ITGA10: variants seen among roughly 807,000 people sequenced by gnomAD.
ITGA10 encodes the protein integrin subunit alpha 10.
Under a neutral mutation model 145.2 loss-of-function variants are expected in ITGA10, and 105 were observed. The ratio of observed to expected loss-of-function variants is 0.72; its 90% CI spans 0.62 to 0.85. The LOEUF (loss-of-function observed/expected upper bound fraction) is 0.85. Among genes scored for constraint, ITGA10 ranks in the 40% least tolerant of loss-of-function variants. The probability of loss-of-function intolerance (pLI) is 0.00; values close to 1 mark genes in which losing one functional copy is unlikely to be tolerated. For synonymous variants in ITGA10, 506 were observed against 557.8 expected, an observed-to-expected ratio of 0.91 and a Z score of 1.31; for missense variants, 1,317 against 1,444.5, an observed-to-expected ratio of 0.91 and a Z score of 1.43.
At chr1:145,900,736 C>T (rs1446749092) in intron 14 of ITGA10, 54 bp downstream of exon 14, 12 of 1,548,794 alleles carry the variant, frequency 7.7e-6, no homozygotes, top group Non-Finnish European at 8.9e-6. Flanking sequence ...CAAAGAGCAT[C>T]CCCCTATTCC....
In ITGA10 at chr1:145,904,139, G is replaced by C. The variant is rs146565671; in HGVS notation, c.671C>G (p.Thr224Arg). The C allele has an allele frequency of 6.2e-7, 1 of 1,613,972 alleles. No individual in the cohort carries two copies. The highest frequency in any genetic ancestry group is 8.5e-7 in the Non-Finnish European group (1 of 1,179,986). Residue 224 changes from threonine to arginine, a missense_variant, in exon 7 of 30, where the codon ACG becomes AGG. Physicochemically the swap from Thr to Arg is moderately conservative, Grantham distance 71. Transcript: ENST00000369304. ...TGCTGCTCTCACCACTTCTTCCTTC[G>C]TTCGGAAATCTCCCAGGGACCACTC... ...VHEWSLGDFR[T>R]KEEVVRAAKN...
chr1:145,898,068 G>T, intron 18 of ITGA10, 42 bp downstream of exon 18: 1 of 1,432,494 alleles, frequency 7.0e-7, no homozygotes, highest in Non-Finnish European at 9.9e-7. Context: ...TCTTGAAGGA[G>T]GGCAGTGTTG....
rs1553743756 is a variant in ITGA10 at position 145,893,190 on chromosome 1, G to A, written c.3409C>T (p.Leu1137Phe). The A allele has an allele frequency of 1.9e-6, 3 of 1,613,942 alleles. No homozygotes were observed. Among genetic ancestry groups the A allele is most frequent in the Non-Finnish European group, 2.5e-6 (3 of 1,179,828 alleles). Residue 1137 changes from leucine (L) to phenylalanine (F), a missense_variant, in exon 29 of 30, where the codon CTT (leucine) becomes TTT (phenylalanine). Leu to Phe is a conservative substitution (Grantham distance 22, BLOSUM62 0). Coordinates refer to ENST00000369304, the MANE Select transcript of ITGA10 (RefSeq NM_003637.5). ...IGSVLGGLLL[L>F]ALLVFCLWKL... ...CACAGGCAGAAGACAAGGAGAGCAAGCAGGAGCAACCCTCCCAGGACACTG... is the reference window on the plus strand; with the variant it reads ...CACAGGCAGAAGACAAGGAGAGCAAACAGGAGCAACCCTCCCAGGACACTG...
intron 27 of ITGA10, 93 bp downstream of exon 27, chr1:145,895,187 G>T: frequency 1.2e-6 from 1 of 842,134 alleles, no homozygotes; most frequent in Non-Finnish European, 1.9e-6. Context: ...AGGCAAAAGT[G>T]AAACTTGAAC....
chr1:145,904,142 C>A lies in ITGA10; in HGVS notation c.668G>T (p.Arg223Leu). 1 of 1,614,108 alleles carries A rather than the reference C, an allele frequency of 6.2e-7. No homozygotes were observed. The highest frequency in any genetic ancestry group is 8.5e-7 in the Non-Finnish European group (1 of 1,180,018). ...PVHEWSLGDF[R>L]TKEEVVRAAK... is the part of the protein sequence containing the mutation. ...TGCTCTCACCACTTCTTCCTTCGTT[C>A]GGAAATCTCCCAGGGACCACTCATG... The change falls in exon 7 of 30, where the codon CGA (arginine) becomes CTA (leucine). Residue 223 changes from arginine to leucine, a missense_variant. Coordinates refer to ENST00000369304, the MANE Select transcript of ITGA10 (RefSeq NM_003637.5).
chr1:145,896,328 C>T lies in ITGA10; in HGVS notation c.2859G>A (p.Glu953=), dbSNP rs1553745063. The T allele has an allele frequency of 2.5e-6, 4 of 1,614,040 alleles. No homozygotes were observed. Among genetic ancestry groups the T allele is most frequent in the Non-Finnish European group, 3.4e-6 (4 of 1,179,924 alleles). Residue 953 remains glutamate, a synonymous_variant, in exon 24 of 30, where the codon GAG becomes GAA. Transcript: ENST00000369304. Reference sequence around the variant, plus strand: ...CTGGGAGGGTCCCATATGGGTGAACCTCATAGCGGTGCAGGGTAGACTCAC... The same window carrying T: ...CTGGGAGGGTCCCATATGGGTGAACTTCATAGCGGTGCAGGGTAGACTCAC... ...FSSESTLHRY[E]VHPYGTLPVG...
chr1:145,907,604 T>G, intron 1 of ITGA10, 139 bp from the exon 2 acceptor site: 1 of 1,469,856 alleles, frequency 6.8e-7, no homozygotes. Flanking sequence ...CCTCTCTCAG[T>G]GTCATGTACT....
chr1:145,902,484 C>T lies in ITGA10; in HGVS notation c.1045G>A (p.Ala349Thr). The change falls in exon 9 of 30, where the codon GCA becomes ACA. Residue 349 changes from alanine to threonine, a missense_variant. By Grantham distance (58) the Ala-to-Thr change is moderately conservative. Coordinates refer to ENST00000369304, the MANE Select transcript of ITGA10 (RefSeq NM_003637.5). ...DEAALTDIVD[A>T]LGDRIFGLEG... ...AGGCCAAAAATCCGATCTCCTAGTG[C>T]ATCCACAATGTCAGTCAGAGCAGCC... 1 of 1,612,672 alleles carries T rather than the reference C, an allele frequency of 6.2e-7. No homozygotes were observed. Among genetic ancestry groups the T allele is most frequent in the South Asian group, 1.1e-5 (1 of 90,796 alleles).
rs1353086084 is a variant in ITGA10 at position 145,892,610 on chromosome 1, C to G, written c.*188G>C. On this transcript the variant is annotated 3_prime_UTR_variant, in exon 30 of 30. Transcript: ENST00000369304. ...ATGGCTAGTTTTGGTGCCAGCTCTTCTTGTCTGAGGTAAAGCCTCATCTCT... is the reference window on the plus strand; with the variant it reads ...ATGGCTAGTTTTGGTGCCAGCTCTTGTTGTCTGAGGTAAAGCCTCATCTCT... 5.9e-6 allele frequency: 3 copies of G among 507,332 alleles called. No individual in the cohort carries two copies. The highest frequency in any genetic ancestry group is 5.8e-5 in the African/African-American group (3 of 51,772). The allele number at this position is 507,332 out of a possible 1,614,324, so 31.4% of individuals were successfully genotyped here. A position where few individuals can be genotyped will look rare whatever the true frequency, so the allele number is the denominator to read the frequency against.
rs1471621886 is a variant in ITGA10 at position 145,896,093 on chromosome 1, G to C, written c.2923C>G (p.Gln975Glu). Residue 975 changes from glutamine (Q) to glutamate (E), a missense_variant, in exon 25 of 30, where the codon CAG (glutamine) becomes GAG (glutamate). Gln to Glu is a conservative substitution (Grantham distance 29, BLOSUM62 2). Coordinates refer to ENST00000369304, the MANE Select transcript of ITGA10 (RefSeq NM_003637.5). ...GPEFKTTLRVQNLGCYVVSGL... is the reference protein window; with the variant it reads ...GPEFKTTLRVENLGCYVVSGL... ...CTGACCACATAGCAGCCTAGGTTCT[G>C]AACCTAAGAGGAAGGTTGGGAATAG... 1 of 1,613,538 alleles carries C rather than the reference G, an allele frequency of 6.2e-7. No individual in the cohort carries two copies.
chr1:145,909,899 C>A (rs925528545), intron 1 of ITGA10, 64 bp downstream of exon 1: 1 of 1,384,190 alleles, frequency 7.2e-7, no homozygotes, highest in Non-Finnish European at 1.0e-6. Flanking sequence ...TATAATGGTC[C>A]CAATTCCAAA....
At position 145,897,010 on chromosome 1, in the gene ITGA10, C is replaced by A. The variant is rs1375604460; in HGVS notation, c.2744+1G>T. The stretch of plus-strand genomic sequence containing the variant: ...TGGAAGAAAGTTCCCTTCATTCTCA[C>A]CTGCTGGCAGTCAGCTTCACGAAGA... On this transcript the variant is annotated splice_donor_variant, in intron 22 of 29. Transcript: ENST00000369304. LOFTEE classifies it high-confidence loss of function. 5.6e-6 allele frequency: 9 copies of A among 1,613,590 alleles called. No homozygotes were observed. Among genetic ancestry groups the A allele is most frequent in the Non-Finnish European group, 6.8e-6 (8 of 1,179,596 alleles).
In ITGA10 at chr1:145,897,846, G is replaced by A; in HGVS notation, c.2401C>T (p.Leu801Phe). The A allele has an allele frequency of 6.2e-7, 1 of 1,614,182 alleles. No individual in the cohort carries two copies. The highest frequency in any genetic ancestry group is 8.5e-7 in the Non-Finnish European group (1 of 1,180,024). ...CCTCTGATGTCCATATTCACTTGAA[G>A]CACCAGGTCTGTGACACATTCATTG... is the stretch of plus-strand genomic sequence containing the variant. ...PDNECVTDLV[L>F]QVNMDIRGSR... is the part of the protein sequence containing the mutation. The change falls in exon 19 of 30, where the codon CTT becomes TTT. Residue 801 changes from leucine (L) to phenylalanine (F), a missense_variant. Leu to Phe is a conservative substitution (Grantham distance 22, BLOSUM62 0). Coordinates refer to ENST00000369304, the MANE Select transcript of ITGA10 (RefSeq NM_003637.5).
At position 145,907,124 on chromosome 1, in the gene ITGA10, C is replaced by T. The variant is rs1553751521; in HGVS notation, c.191G>A (p.Gly64Glu). The change falls in exon 3 of 30, where the codon GGG becomes GAG. Residue 64 changes from glycine (G) to glutamate (E), a missense_variant. Gly to Glu is a moderately conservative substitution (Grantham distance 98). Transcript: ENST00000369304. ...GTCCCCCCTCCGGTCGCCTGAAGGC[C>T]CATCCCAGGGGGCGCCCACCAGCAT... ...RWMLVGAPWD[G>E]PSGDRRGDVY... The T allele has an allele frequency of 6.4e-7, 1 of 1,562,298 alleles. No homozygotes were observed. Among genetic ancestry groups the T allele is most frequent in the Non-Finnish European group, 8.7e-7 (1 of 1,152,680 alleles).
chr1:145,907,579 C>G (rs1339920260), intron 1 of ITGA10, 114 bp from the exon 2 acceptor site: 8 of 1,516,132 alleles, frequency 5.3e-6, no homozygotes, highest in Non-Finnish European at 6.2e-6. Context: ...CTTTTTCACT[C>G]ATAAGCTTTT....
At chr1:145,895,215 C>T in intron 27 of ITGA10, 65 bp downstream of exon 27, 1 of 1,245,864 alleles carries the variant, frequency 8.0e-7, no homozygotes, top group Admixed American at 1.9e-5. Context: ...TGTCTACCTC[C>T]AAAACCTATG....
chr1:145,902,933 C>G lies in ITGA10; in HGVS notation c.787G>C (p.Gly263Arg). Residue 263 changes from glycine to arginine, a missense_variant, in exon 8 of 30, where the codon GGC becomes CGC. By Grantham distance (125) the Gly-to-Arg change is moderately radical (BLOSUM62 -2). Transcript: ENST00000369304. ...AGTAGCCTGGCAGCCTCGGGTCGGC[C>G]CCCATGGGACTGACTGAACCCTTCT... The part of the protein sequence containing the change: ...CTEGFSQSHG[G>R]RPEAARLLVV... 2 of 1,610,920 alleles carry G rather than the reference C, an allele frequency of 1.2e-6. No individual in the cohort carries two copies. The highest frequency in any genetic ancestry group is 1.7e-6 in the Non-Finnish European group (2 of 1,178,520).
At chr1:145,898,363 T>TAA in intron 17 of ITGA10, 140 bp from the exon 18 acceptor site, 2 of 264,402 alleles carry the variant, frequency 7.6e-6, no homozygotes, top group African/African-American at 4.6e-5. Flanking sequence ...ATTAGTTAAT[T>TAA]TATTTATTTA....
rs1655504928 is a variant in ITGA10, at chr1:145,896,996, T to C, written c.2744+15A>G. The C allele has an allele frequency of 6.2e-7, 1 of 1,610,382 alleles. No homozygotes were observed. Among genetic ancestry groups the C allele is most frequent in the African/African-American group, 1.3e-5 (1 of 74,788 alleles). ...TAGGAGGAGAGGTCTGGAAGAAAGTTCCCTTCATTCTCACCTGCTGGCAGT... is the reference window on the plus strand; with the variant it reads ...TAGGAGGAGAGGTCTGGAAGAAAGTCCCCTTCATTCTCACCTGCTGGCAGT... On this transcript the variant is annotated intron_variant, in intron 22 of 29. Transcript: ENST00000369304.
Sources: gnomAD v4.1 joint callset for allele counts on GRCh38, gnomAD v4.1.1 for gene constraint, MANE v1.5 for transcripts, NCBI Gene and HGNC (gene_info 2026-07-23, HGNC 2026-07-21) for gene names.